The following VSX1 variants were observed in gnomAD, a reference collection of about 807,000 sequenced individuals.
VSX1 encodes visual system homeobox 1.
A neutral mutation model predicts 23.6 loss-of-function variants in VSX1; 23 were observed. That is an observed-to-expected ratio of 0.97 (90% CI 0.70 to 1.38). The LOEUF is 1.38. Ranked by LOEUF, VSX1 falls within the 40% of genes most tolerant of loss-of-function variation. VSX1 has a pLI of 0.00. For missense variants in VSX1, 517 were observed against 495.4 expected, an observed-to-expected ratio of 1.04 and a Z score of -0.41; for synonymous variants, 247 against 215.1, an observed-to-expected ratio of 1.15 and a Z score of -1.30.
Position 25,081,606 on chromosome 20 carries a change from C to G in VSX1, c.424+67G>C. The G allele has an allele frequency of 1.9e-6, 3 of 1,545,948 alleles. No individual in the cohort carries two copies. In the South Asian group the frequency reaches 3.5e-5, roughly 18 times the overall value. On this transcript the variant is annotated intron_variant, in intron 1 of 4. Transcript: ENST00000376709. ...GCCAGGGGTGCGGTGGGGCGATGGT[C>G]TGTGACCCCTGCGCGGCTCAGAGCC... is the stretch of plus-strand genomic sequence containing the variant.
chr20:25,073,686 G>A (rs564493035), downstream of VSX1, among the ~76,000 whole-genome samples: 10 of 152,322 alleles, frequency 6.6e-5, no homozygotes, highest in South Asian at 2.1e-3. Context: ...GCTAGCAGGT[G>A]GGGGTTTACT....
At chr20:25,072,344 T>C (rs1184240427), downstream of VSX1, among the ~76,000 whole-genome samples, 1 of 152,222 alleles carries the variant, frequency 6.6e-6, no homozygotes, top group African/African-American at 2.4e-5. Context: ...ATATGGACAG[T>C]TGTCCCAGTA....
In VSX1 at chr20:25,076,275, C is replaced by A. The variant is rs758607142; in HGVS notation, c.1084G>T (p.Val362Leu). 1 of 1,614,186 alleles carries A rather than the reference C, an allele frequency of 6.2e-7. No homozygotes were observed. The highest frequency in any genetic ancestry group is 8.5e-7 in the Non-Finnish European group (1 of 1,180,046). The change falls in exon 5 of 5, where the codon GTG becomes TTG. Residue 362 changes from valine (V) to leucine (L), a missense_variant. Coordinates refer to ENST00000376709, the MANE Select transcript of VSX1 (RefSeq NM_014588.6). ...ACCTGTGGGTCTCATGTGGCTCCCA[C>A]CTTCCCTGGCTGGGGCCCCTCCAGT... ...TALEGPQPGK[V>L]GAT
At chr20:25,077,163 AG>A (rs1331648446) in intron 4 of VSX1, among the ~76,000 whole-genome samples, 17 of 152,288 alleles carry the variant, frequency 1.1e-4, no homozygotes, top group Non-Finnish European at 1.2e-4. Flanking sequence ...GAGCATCCTG[AG>A]AGTGCTGGGT....
chr20:25,082,065 C>T lies in VSX1; in HGVS notation c.32G>A (p.Arg11His), dbSNP rs756519685. MTGRDSLSDG[R>H]TSSRALVPGG... ...AGGCACCAGCGCCCTGCTGCTAGTGCGCCCGTCGGAAAGCGAGTCCCGGCC... is the reference window on the plus strand; with the variant it reads ...AGGCACCAGCGCCCTGCTGCTAGTGTGCCCGTCGGAAAGCGAGTCCCGGCC... The change falls in exon 1 of 5, where the codon CGC (arginine) becomes CAC (histidine). Residue 11 changes from arginine (R) to histidine (H), a missense_variant. Transcript: ENST00000376709. 2 of 1,538,522 alleles carry T rather than the reference C, an allele frequency of 1.3e-6. No homozygotes were observed. The highest frequency in any genetic ancestry group is 8.7e-7 in the Non-Finnish European group (1 of 1,148,462).
intron 3 of VSX1, chr20:25,078,503 A>C: frequency 7.8e-7 from 1 of 1,290,014 alleles, no homozygotes; most frequent in South Asian, 1.9e-5. Flanking sequence ...CTCCTCAGGC[A>C]TTTGTGTTGA....
intron 4 of VSX1, among the ~76,000 whole-genome samples, chr20:25,077,194 T>G (rs751568139): frequency 6.6e-6 from 1 of 152,122 alleles, no homozygotes; most frequent in Non-Finnish European, 1.5e-5. Context: ...GGAGACTCTT[T>G]GAGCACCAAA....
chr20:25,076,146 C>A lies in VSX1; in HGVS notation c.*115G>T. 1 of 1,458,738 alleles carries A rather than the reference C, an allele frequency of 6.9e-7. No individual in the cohort carries two copies. The highest frequency in any genetic ancestry group is 1.2e-5 in the South Asian group (1 of 85,712). The allele number at this position is 1,458,738 out of a possible 1,614,324, so 90.4% of individuals were successfully genotyped here. A position where few individuals can be genotyped will look rare whatever the true frequency, so the allele number is the denominator to read the frequency against. The stretch of plus-strand genomic sequence containing the variant: ...CAAGTGGCATTGCATTTTATCTTGA[C>A]ATTGTCAGAAGAAAATCAAACTGAG... On this transcript the variant is annotated 3_prime_UTR_variant, in exon 5 of 5. Transcript: ENST00000376709.
At chr20:25,072,539 GTTCT>G, downstream of VSX1, 1 of 471,070 alleles carries the variant, frequency 2.1e-6, no homozygotes, top group Non-Finnish European at 4.4e-6. Context: ...CCATCACCTC[GTTCT>G]TTAAGGGTGT....
In VSX1 at chr20:25,076,282, T is replaced by A; in HGVS notation, c.1077A>T (p.Pro359=). 1 of 1,614,230 alleles carries A rather than the reference T, an allele frequency of 6.2e-7. No homozygotes were observed. The highest frequency in any genetic ancestry group is 8.5e-7 in the Non-Finnish European group (1 of 1,180,046). The change falls in exon 5 of 5, where the codon CCA becomes CCT. Residue 359 remains proline (P), a synonymous_variant. Coordinates refer to ENST00000376709, the MANE Select transcript of VSX1 (RefSeq NM_014588.6). Reference sequence around the variant, plus strand: ...GGTCTCATGTGGCTCCCACCTTCCCTGGCTGGGGCCCCTCCAGTGCCGTGG... The same window carrying A: ...GGTCTCATGTGGCTCCCACCTTCCCAGGCTGGGGCCCCTCCAGTGCCGTGG... ...SNSTALEGPQ[P]GKVGAT is the part of the protein sequence containing the mutation.
At chr20:25,071,099 G>A (rs1432075459), downstream of VSX1, 1 of 454,086 alleles carries the variant, frequency 2.2e-6, no homozygotes, top group Admixed American at 2.3e-5. Flanking sequence ...GGTCAAAGAG[G>A]AGACGACCAC....
chr20:25,073,340 G>A (rs116567391), downstream of VSX1, among the ~76,000 whole-genome samples: 428 of 152,056 alleles, frequency 2.8e-3, 1 homozygote, highest in African/African-American at 9.8e-3. Context: ...AAAATGTTAT[G>A]AATATTTTTT....
chr20:25,076,197 C>T lies in VSX1; in HGVS notation c.*64G>A. On this transcript the variant is annotated 3_prime_UTR_variant, in exon 5 of 5. Transcript: ENST00000376709. The stretch of plus-strand genomic sequence containing the variant: ...AGTATATGTCTTGGACAATTTTTGT[C>T]TTTTGGAAAATGCCAGTGAGGAATA... 6.2e-7 allele frequency: 1 copy of T among 1,609,438 alleles called. No homozygotes were observed. Among genetic ancestry groups the T allele is most frequent in the African/African-American group, 1.3e-5 (1 of 74,894 alleles).
chr20:25,078,636 T>C, intron 3 of VSX1, 193 bp downstream of exon 3: 1 of 1,516,394 alleles, frequency 6.6e-7, no homozygotes, highest in Admixed American at 2.2e-5. Context: ...TGATACTAAA[T>C]AATAATAAAA....
rs1459223499 is a variant in VSX1 at position 25,081,658 on chromosome 20, C to T, written c.424+15G>A. ...AGGGGACAGGGGCAGGAGCGGAAAGCGCGGGCCTGATTACCGGACGTGGAG... is the reference window on the plus strand; with the variant it reads ...AGGGGACAGGGGCAGGAGCGGAAAGTGCGGGCCTGATTACCGGACGTGGAG... On this transcript the variant is annotated intron_variant, in intron 1 of 4. Transcript: ENST00000376709. 1.3e-6 allele frequency: 2 copies of T among 1,524,068 alleles called. No homozygotes were observed. The highest frequency in any genetic ancestry group is 2.5e-5 in the East Asian group (1 of 39,984). The allele number at this position is 1,524,068 out of a possible 1,614,324, so 94.4% of individuals were successfully genotyped here.
chr20:25,081,280 T>TG (rs1425939489), intron 1 of VSX1, among the ~76,000 whole-genome samples: 1 of 152,242 alleles, frequency 6.6e-6, no homozygotes, highest in East Asian at 1.9e-4. Flanking sequence ...TGTTCGGTGC[T>TG]GCTGGTGACC....
chr20:25,072,164 G>C (rs571063051), downstream of VSX1: 2 of 567,116 alleles, frequency 3.5e-6, no homozygotes, highest in South Asian at 2.6e-5. Context: ...ACCTTAAAAT[G>C]GTTGTTTTAA....
At position 25,076,649 on chromosome 20, in the gene VSX1, A is replaced by G. The variant is rs1485406659; in HGVS notation, c.809-99T>C. The G allele has an allele frequency of 2.9e-6, 4 of 1,388,876 alleles. No individual in the cohort carries two copies. The African/African-American group carries it at 5.8e-5, about 20-fold the overall frequency. 86.0% of individuals were successfully genotyped at this position (1,388,876 alleles called of 1,614,324 possible). On this transcript the variant is annotated intron_variant, in intron 4 of 4. Transcript: ENST00000376709. ...TTATTGTTCTCTAAATCCCACTAGA[A>G]TTGTCCTTGTCAGTGCCTATCTCTG...
In VSX1 at chr20:25,079,430, C is replaced by A. The variant is rs1354443941; in HGVS notation, c.503+6G>T. The A allele has an allele frequency of 6.2e-7, 1 of 1,610,378 alleles. No homozygotes were observed. Among genetic ancestry groups the A allele is most frequent in the Non-Finnish European group, 8.5e-7 (1 of 1,178,894 alleles). ...GGCAGGCAGAGGGGACTGCCTGGCC[C>A]TATACCTGTGCCGCCGCTTCTTCCT... On this transcript the variant is annotated splice_donor_region_variant and intron_variant, in intron 2 of 4. Transcript: ENST00000376709.
Sources: allele counts gnomAD v4.1 joint callset (sites outside exome capture counted in the v4.1 genomes callset), GRCh38; gene constraint gnomAD v4.1.1; transcripts MANE v1.5; gene names NCBI Gene and HGNC (gene_info 2026-07-23, HGNC 2026-07-21).